DNAJC11: variants seen among roughly 807,000 people sequenced by gnomAD.
DNAJC11 encodes dnaJ homolog subfamily C member 11.
DNAJC11 carries 15 observed loss-of-function variants against 78.6 expected under a neutral mutation model. The ratio of observed to expected loss-of-function variants is 0.19; its 90% CI spans 0.13 to 0.29. The LOEUF is 0.29. Among genes scored for constraint, DNAJC11 ranks in the 10% least tolerant of loss-of-function variants. The pLI, the probability that DNAJC11 is intolerant of heterozygous loss-of-function variation, is 1.00. For missense variants in DNAJC11, 547 were observed against 709.6 expected, an observed-to-expected ratio of 0.77 and a Z score of 2.60; for synonymous variants, 292 against 272.1, an observed-to-expected ratio of 1.07 and a Z score of -0.72.
chr1:6,683,980 A>G (rs1642594559), intron 1 of DNAJC11, among the ~76,000 whole-genome samples: 1 of 152,204 alleles, frequency 6.6e-6, no homozygotes, highest in African/African-American at 2.4e-5. Context: ...CTGGTGTTTC[A>G]AACATAAATC....
intron 11 of DNAJC11, 71 bp from the exon 12 acceptor site, chr1:6,638,435 C>A (rs577611781): frequency 1.2e-5 from 17 of 1,465,790 alleles, no homozygotes; most frequent in Admixed American, 9.3e-5. Flanking sequence ...CAGCCCCTCC[C>A]GTGCTGGACC....
chr1:6,644,227 G>A (rs906150514), intron 10 of DNAJC11, among the ~76,000 whole-genome samples: 8 of 151,904 alleles, frequency 5.3e-5, no homozygotes, highest in African/African-American at 1.2e-4. Flanking sequence ...CTCCGCCTTC[G>A]GGTTCAAGCA....
At chr1:6,700,708 T>A (rs1040035403) in intron 1 of DNAJC11, among the ~76,000 whole-genome samples, 3 of 152,204 alleles carry the variant, frequency 2.0e-5, no homozygotes, top group Non-Finnish European at 4.4e-5. Context: ...ACAAGATAAG[T>A]TTGTATTATT....
rs540143200 is a variant in DNAJC11 at position 6,661,237 on chromosome 1, A to C, written c.378+6472T>G. 5.3e-5 allele frequency among the ~76,000 whole-genome samples: 8 copies of C among 152,336 alleles called. No homozygotes were observed. In the South Asian group the frequency reaches 1.7e-3, roughly 32 times the overall value. On this transcript the variant is annotated intron_variant, in intron 4 of 15. Transcript: ENST00000377577. ...AAAAGGAACTCTTTACTAACTGAAAATTCCACCAAAAGAGGTGATACGAGG... is the reference window on the plus strand; with the variant it reads ...AAAAGGAACTCTTTACTAACTGAAACTTCCACCAAAAGAGGTGATACGAGG...
chr1:6,669,380 A>G (rs372539193), intron 3 of DNAJC11, among the ~76,000 whole-genome samples: 7 of 151,650 alleles, frequency 4.6e-5, no homozygotes, highest in African/African-American at 1.7e-4. Context: ...GCGTGGTGGC[A>G]GGTGCCTGTA....
intron 2 of DNAJC11, 53 bp from the exon 3 acceptor site, chr1:6,678,520 C>A: frequency 6.9e-7 from 1 of 1,454,820 alleles, no homozygotes; most frequent in Non-Finnish European, 9.5e-7. Flanking sequence ...ACCTTCAGTC[C>A]TTCCTGAGAA....
rs757818513 is a variant in DNAJC11 at position 6,680,936 on chromosome 1, C to A, written c.174G>T (p.Leu58=). ...CATAAGCCTGGTGAACAAGGTTAAACAGTCGTTCCGCCTGTGACTTGAGCT... is the reference window on the plus strand; with the variant it reads ...CATAAGCCTGGTGAACAAGGTTAAAAAGTCGTTCCGCCTGTGACTTGAGCT... ...DPELKSQAER[L]FNLVHQAYEV... is the part of the protein sequence containing the mutation. Residue 58 remains leucine (L), a synonymous_variant, in exon 2 of 16, where the codon CTG becomes CTT. Coordinates refer to ENST00000377577, the MANE Select transcript of DNAJC11 (RefSeq NM_018198.4). The surrounding 1 kb of genome is among the most constrained non-coding windows in gnomAD (Gnocchi z 4.0). 3 of 1,614,060 alleles carry A rather than the reference C, an allele frequency of 1.9e-6. No homozygotes were observed. In the South Asian group the frequency reaches 3.3e-5, roughly 18 times the overall value.
At chr1:6,660,009 T>C (rs1570283479) in intron 4 of DNAJC11, among the ~76,000 whole-genome samples, 2 of 144,960 alleles carry the variant, frequency 1.4e-5, no homozygotes, top group Non-Finnish European at 1.5e-5. Context: ...TGAGCCGAGA[T>C]TGCGCCACTG....
Position 6,653,885 on chromosome 1 carries a change from C to T in DNAJC11, c.507+26G>A. On this transcript the variant is annotated intron_variant, in intron 5 of 15. Transcript: ENST00000377577. This position sits in a 1 kb window ranked among gnomAD's most constrained non-coding sequence, Gnocchi z 4.5. ...CTCATTAACTCGAGCCCTTGCTGTA[C>T]TCGGAGAGGTGGTTGTGTGCTTTAC... The T allele has an allele frequency of 6.2e-7, 1 of 1,609,540 alleles. No individual in the cohort carries two copies. The highest frequency in any genetic ancestry group is 8.5e-7 in the Non-Finnish European group (1 of 1,176,726).
chr1:6,657,326 A>G (rs1642141913), intron 4 of DNAJC11, among the ~76,000 whole-genome samples: 1 of 152,066 alleles, frequency 6.6e-6, no homozygotes, highest in South Asian at 2.1e-4. Context: ...GCCCGGGGAG[A>G]GGTTGCCTAG....
At position 6,634,715 on chromosome 1, in the gene DNAJC11, C is replaced by T. The variant is rs1641723329; in HGVS notation, c.*960G>A. ...CGTGGAGGAAGGGTCTGAAGGAAGG[C>T]TCCGGAGCACAGGCCCTGGTGTTCC... is the stretch of plus-strand genomic sequence containing the variant. On this transcript the variant is annotated 3_prime_UTR_variant, in exon 16 of 16. Coordinates refer to ENST00000377577, the MANE Select transcript of DNAJC11 (RefSeq NM_018198.4). 7.3e-7 allele frequency: 1 copy of T among 1,363,106 alleles called. No homozygotes were observed. The highest frequency in any genetic ancestry group is 1.1e-5 in the South Asian group (1 of 87,216). 84.4% of individuals were successfully genotyped at this position (1,363,106 alleles called of 1,614,324 possible).
At chr1:6,670,916 T>C (rs1211409071) in intron 3 of DNAJC11, 1 of 152,162 alleles carries the variant, frequency 6.6e-6, no homozygotes, top group African/African-American at 2.4e-5. Context: ...CCTCCCTGCA[T>C]CGAAAGAAAA....
intron 4 of DNAJC11, chr1:6,654,293 G>A: frequency 2.9e-6 from 1 of 342,290 alleles, no homozygotes; most frequent in South Asian, 3.3e-5. Context: ...CATGTCTGCA[G>A]AGCAATGACA....
At position 6,645,553 on chromosome 1, in the gene DNAJC11, C is replaced by G. The variant is rs1020424431; in HGVS notation, c.894+236G>C. On this transcript the variant is annotated intron_variant, in intron 8 of 15. Transcript: ENST00000377577. The surrounding 1 kb of genome is among the most constrained non-coding windows in gnomAD (Gnocchi z 4.1). ...TCCCACCAGACATTAAGATGTTGTT[C>G]TGCTTTAAGATGATCCAACAAAGCT... Among the ~76,000 whole-genome samples, 1 of 152,222 alleles carries G rather than the reference C, an allele frequency of 6.6e-6. No homozygotes were observed. The highest frequency in any genetic ancestry group is 1.5e-5 in the Non-Finnish European group (1 of 68,040).
chr1:6,636,396 T>C, intron 14 of DNAJC11, 150 bp from the exon 15 acceptor site: 1 of 1,217,278 alleles, frequency 8.2e-7, no homozygotes, highest in East Asian at 2.5e-5. Flanking sequence ...AACAAGAATT[T>C]GAAAAAGTTG....
rs1256419708 is a variant in DNAJC11 at position 6,634,527 on chromosome 1, C to T, written c.*1148G>A. 1 of 1,361,662 alleles carries T rather than the reference C, an allele frequency of 7.3e-7. No homozygotes were observed. Among genetic ancestry groups the T allele is most frequent in the Non-Finnish European group, 9.8e-7 (1 of 1,020,210 alleles). 84.3% of individuals were successfully genotyped at this position (1,361,662 alleles called of 1,614,324 possible). The stretch of plus-strand genomic sequence containing the variant: ...TTGGGGCCCCCCGCGCCAGCTGTCT[C>T]AGCCACCACCTGTGCGGCGCTTGCT... On this transcript the variant is annotated 3_prime_UTR_variant, in exon 16 of 16. Transcript: ENST00000377577.
intron 7 of DNAJC11, among the ~76,000 whole-genome samples, chr1:6,647,419 G>C (rs535680178): frequency 1.3e-5 from 2 of 152,128 alleles, no homozygotes; most frequent in African/African-American, 4.8e-5. Context: ...TGGCTTATTC[G>C]GCCGTAACTC....
chr1:6,640,489 G>T (rs181071794), intron 10 of DNAJC11, among the ~76,000 whole-genome samples: 34 of 152,280 alleles, frequency 2.2e-4, no homozygotes. Flanking sequence ...TCCAGTGGTG[G>T]CTGAGTAAAG....
chr1:6,690,666 T>C (rs1642730562), intron 1 of DNAJC11, among the ~76,000 whole-genome samples: 1 of 152,198 alleles, frequency 6.6e-6, no homozygotes, highest in Non-Finnish European at 1.5e-5. Flanking sequence ...GGCTCACGCC[T>C]GTAATCCCAG....
Sources: allele counts gnomAD v4.1 joint callset (sites outside exome capture counted in the v4.1 genomes callset), GRCh38; gene constraint gnomAD v4.1.1; non-coding constraint Gnocchi (gnomAD v3.1); transcripts MANE v1.5; gene names NCBI Gene and HGNC (gene_info 2026-07-23, HGNC 2026-07-21).